Variants in SAP30 observed in about 807,000 individuals in gnomAD.
The protein encoded by SAP30 is Sin3A associated protein 30.
Under a neutral mutation model 19.6 loss-of-function variants are expected in SAP30, and 13 were observed. That is an observed-to-expected ratio of 0.66 (90% confidence interval 0.43 to 1.05). The LOEUF (loss-of-function observed/expected upper bound fraction) is 1.05, where lower values mean the gene tolerates loss of function less well. Among genes scored for constraint, SAP30 ranks in the 50% least tolerant of loss-of-function variants. The pLI, the probability that SAP30 is intolerant of heterozygous loss-of-function variation, is 0.00. For synonymous variants in SAP30, 108 were observed against 122.7 expected, an observed-to-expected ratio of 0.88 and a Z score of 0.79; for missense variants, 257 against 292.1, an observed-to-expected ratio of 0.88 and a Z score of 0.88.
chr4:173,377,191 T>C lies in SAP30; in HGVS notation c.541-14T>C. On this transcript the variant is annotated splice_polypyrimidine_tract_variant and intron_variant, in intron 3 of 3. Coordinates refer to ENST00000296504, the MANE Select transcript of SAP30 (RefSeq NM_003864.4). ...TCTAAAATTTAATTTCCTTAATTTT[T>C]CTTTTCTTTGTAGATAGTTGGTTGC... 1 of 1,550,004 alleles carries C rather than the reference T, an allele frequency of 6.5e-7. No individual in the cohort carries two copies. The highest frequency in any genetic ancestry group is 8.7e-7 in the Non-Finnish European group (1 of 1,152,658).
chr4:173,374,012 G>T lies in SAP30; in HGVS notation c.515G>T (p.Gly172Val). ...CACTTCAAGCTACCAACCAGACCAG[G>T]ACTTAATAAAGCACAACTTGTTGAG... ...KRHFKLPTRPGLNKAQLVEIV... is the reference protein window; with the variant it reads ...KRHFKLPTRPVLNKAQLVEIV... Residue 172 changes from glycine (G) to valine (V), a missense_variant, in exon 3 of 4, where the codon GGA becomes GTA. By Grantham distance (109) the Gly-to-Val change is moderately radical. Transcript: ENST00000296504. 1 of 1,596,678 alleles carries T rather than the reference G, an allele frequency of 6.3e-7. No individual in the cohort carries two copies. Among genetic ancestry groups the T allele is most frequent in the Non-Finnish European group, 8.6e-7 (1 of 1,169,362 alleles).
At chr4:173,374,933 C>T (rs1485634424) in intron 3 of SAP30, among the ~76,000 whole-genome samples, 3 of 151,632 alleles carry the variant, frequency 2.0e-5, no homozygotes, top group Admixed American at 1.3e-4. Context: ...TCTAGTCAGT[C>T]ACTGAGTTGT....
At chr4:173,374,722 T>G (rs1162452503) in intron 3 of SAP30, among the ~76,000 whole-genome samples, 5 of 152,184 alleles carry the variant, frequency 3.3e-5, no homozygotes, top group Non-Finnish European at 7.4e-5. Flanking sequence ...CTTATTAGAA[T>G]TTATATTTTA....
intron 3 of SAP30, among the ~76,000 whole-genome samples, chr4:173,376,599 A>C (rs1457512229): frequency 6.6e-6 from 1 of 151,874 alleles, no homozygotes; most frequent in Non-Finnish European, 1.5e-5. Flanking sequence ...TCTAATTATA[A>C]AATTTATTAT....
Position 173,377,340 on chromosome 4 carries a change from T to C in SAP30, c.*13T>C. The C allele has an allele frequency of 6.3e-7, 1 of 1,596,362 alleles. No homozygotes were observed. Among genetic ancestry groups the C allele is most frequent in the Non-Finnish European group, 8.5e-7 (1 of 1,174,160 alleles). ...TGGTGTTCACTAGGAGACGTGGAATTGAGACTAATAACTTGGATGTTAACA... is the reference window on the plus strand; with the variant it reads ...TGGTGTTCACTAGGAGACGTGGAATCGAGACTAATAACTTGGATGTTAACA... On this transcript the variant is annotated 3_prime_UTR_variant, in exon 4 of 4. Transcript: ENST00000296504.
chr4:173,371,256 C>T lies in SAP30; in HGVS notation c.74C>T (p.Ala25Val), dbSNP rs749799298. The T allele has an allele frequency of 1.2e-5, 16 of 1,297,854 alleles. No homozygotes were observed. Among genetic ancestry groups the T allele is most frequent in the South Asian group, 1.9e-5 (1 of 53,602 alleles). 80.4% of individuals were successfully genotyped at this position (1,297,854 alleles called of 1,614,324 possible). A position where few individuals can be genotyped will look rare whatever the true frequency, so the allele number is the denominator to read the frequency against. The change falls in exon 1 of 4, where the codon GCC becomes GTC. Residue 25 changes from alanine to valine, a missense_variant. Ala to Val is a moderately conservative substitution (Grantham distance 64, BLOSUM62 0). Coordinates refer to ENST00000296504, the MANE Select transcript of SAP30 (RefSeq NM_003864.4). The surrounding 1 kb of genome is among the most constrained non-coding windows in gnomAD (Gnocchi z 6.4). Reference sequence around the variant, plus strand: ...GCCGCAGTGGCCGCAGTGGTCGCTGCCGCGGCCGCCGCCGCCTCGGCGGGG... The same window carrying T: ...GCCGCAGTGGCCGCAGTGGTCGCTGTCGCGGCCGCCGCCGCCTCGGCGGGG... ...AAAAVAAVVA[A>V]AAAAASAGNG...
intron 2 of SAP30, 142 bp from the exon 3 acceptor site, chr4:173,373,797 G>T: frequency 1.5e-5 from 7 of 475,138 alleles, no homozygotes; most frequent in South Asian, 1.1e-4. Flanking sequence ...ATTTATGTTG[G>T]ATTATATAAA....
In SAP30 at chr4:173,371,162, C is replaced by T; in HGVS notation, c.-21C>T. 3 of 1,458,534 alleles carry T rather than the reference C, an allele frequency of 2.1e-6. No individual in the cohort carries two copies. The highest frequency in any genetic ancestry group is 2.7e-6 in the Non-Finnish European group (3 of 1,107,822). 90.3% of individuals were successfully genotyped at this position (1,458,534 alleles called of 1,614,324 possible). On this transcript the variant is annotated 5_prime_UTR_variant, in exon 1 of 4. Coordinates refer to ENST00000296504, the MANE Select transcript of SAP30 (RefSeq NM_003864.4). The surrounding 1 kb of genome is among the most constrained non-coding windows in gnomAD (Gnocchi z 6.4). ...GGAGAGAGGGGATTTCTGTCAGCGC[C>T]GGCCTCGGGAGCTCGGAGACATGAA...
Position 173,377,400 on chromosome 4 carries a change from T to TG in SAP30, c.*73_*74insG. On this transcript the variant is annotated 3_prime_UTR_variant, in exon 4 of 4. Transcript: ENST00000296504. ...GTTTTTTCACATGTAGAAATGTTCTTTGTGTATTTTTTCTACAGAGGATTT... is the reference window on the plus strand; with the variant it reads ...GTTTTTTCACATGTAGAAATGTTCTTGTGTGTATTTTTTCTACAGAGGATTT... 2 of 1,430,942 alleles carry TG rather than the reference T, an allele frequency of 1.4e-6. No individual in the cohort carries two copies. Among genetic ancestry groups the TG allele is most frequent in the South Asian group, 2.7e-5 (2 of 74,196 alleles). The allele number at this position is 1,430,942 out of a possible 1,614,324, so 88.6% of individuals were successfully genotyped here. A position where few individuals can be genotyped will look rare whatever the true frequency, so the allele number is the denominator to read the frequency against.
Position 173,371,111 on chromosome 4 carries a change from C to T in SAP30, c.-72C>T. The T allele has an allele frequency of 7.3e-7, 1 of 1,375,530 alleles. No individual in the cohort carries two copies. Among genetic ancestry groups the T allele is most frequent in the Non-Finnish European group, 9.4e-7 (1 of 1,061,120 alleles). 85.2% of individuals were successfully genotyped at this position (1,375,530 alleles called of 1,614,324 possible). A position where few individuals can be genotyped will look rare whatever the true frequency, so the allele number is the denominator to read the frequency against. ...GGTGTGCAGAGTGAATTGCCGCTGC[C>T]GGAGCGGAGAGAGGCGGAGCGGCCA... On this transcript the variant is annotated 5_prime_UTR_variant, in exon 1 of 4. Transcript: ENST00000296504. This position sits in a 1 kb window ranked among gnomAD's most constrained non-coding sequence, Gnocchi z 6.4.
At chr4:173,372,951 T>G (rs893154361) in intron 1 of SAP30, among the ~76,000 whole-genome samples, 2 of 152,078 alleles carry the variant, frequency 1.3e-5, no homozygotes, top group Non-Finnish European at 2.9e-5. Context: ...CCCGCCTAAT[T>G]TTTTGTATTT....
In SAP30 at chr4:173,373,977, A is replaced by G; in HGVS notation, c.480A>G (p.Arg160=). Residue 160 remains arginine (R), a synonymous_variant, in exon 3 of 4, where the codon AGA becomes AGG. Coordinates refer to ENST00000296504, the MANE Select transcript of SAP30 (RefSeq NM_003864.4). ...LYQLQVNTLR[R]YKRHFKLPTR... is the part of the protein sequence containing the mutation. Reference sequence around the variant, plus strand: ...AATTACAAGTAAATACACTTAGGAGATACAAAAGACACTTCAAGCTACCAA... The same window carrying G: ...AATTACAAGTAAATACACTTAGGAGGTACAAAAGACACTTCAAGCTACCAA... 1 of 1,602,342 alleles carries G rather than the reference A, an allele frequency of 6.2e-7. No individual in the cohort carries two copies. Among genetic ancestry groups the G allele is most frequent in the South Asian group, 1.1e-5 (1 of 89,856 alleles).
chr4:173,373,161 C>A (rs535700236), intron 1 of SAP30, among the ~76,000 whole-genome samples: 1 of 152,306 alleles, frequency 6.6e-6, no homozygotes, highest in South Asian at 2.1e-4. Context: ...TACCCCCTTC[C>A]CCAGATGGAA....
intron 3 of SAP30, among the ~76,000 whole-genome samples, chr4:173,376,721 C>T (rs1334489754): frequency 1.3e-5 from 2 of 152,078 alleles, no homozygotes; most frequent in African/African-American, 2.4e-5. Context: ...TGGGTTCAAG[C>T]AATCCTCCTG....
Position 173,371,142 on chromosome 4 carries a change from GA to G in SAP30, c.-40del. ...GGAGAGAGGCGGAGCGGCCAGGAGA[GA>G]GGGGATTTCTGTCAGCGCCGGCCTC... On this transcript the variant is annotated 5_prime_UTR_variant, in exon 1 of 4. Transcript: ENST00000296504. This position sits in a 1 kb window ranked among gnomAD's most constrained non-coding sequence, Gnocchi z 6.4. The G allele has an allele frequency of 6.9e-7, 1 of 1,447,362 alleles. No individual in the cohort carries two copies. The allele number at this position is 1,447,362 out of a possible 1,614,324, so 89.7% of individuals were successfully genotyped here.
At chr4:173,373,092 C>T (rs533694997) in intron 1 of SAP30, among the ~76,000 whole-genome samples, 25 of 152,244 alleles carry the variant, frequency 1.6e-4, no homozygotes, top group Non-Finnish European at 3.1e-4. Flanking sequence ...CCCCTCACTG[C>T]AATTTGATGA....
Position 173,371,177 on chromosome 4 carries a change from G to C in SAP30, c.-6G>C. On this transcript the variant is annotated 5_prime_UTR_variant, in exon 1 of 4. Transcript: ENST00000296504. This position sits in a 1 kb window ranked among gnomAD's most constrained non-coding sequence, Gnocchi z 6.4. ...CTGTCAGCGCCGGCCTCGGGAGCTC[G>C]GAGACATGAACGGCTTCACGCCTGA... 1.3e-6 allele frequency: 2 copies of C among 1,498,352 alleles called. No homozygotes were observed. The highest frequency in any genetic ancestry group is 2.9e-5 in the East Asian group (1 of 34,924). 92.8% of individuals were successfully genotyped at this position (1,498,352 alleles called of 1,614,324 possible).
intron 3 of SAP30, among the ~76,000 whole-genome samples, chr4:173,374,284 A>G (rs1739000129): frequency 6.6e-6 from 1 of 151,964 alleles, no homozygotes; most frequent in African/African-American, 2.4e-5. Context: ...AAATGTGTTG[A>G]TTGTTTTTTG....
chr4:173,373,535 G>T lies in SAP30; in HGVS notation c.441+20G>T. ...CCAGAGGTAGATGGAAGTTTTTTAT[G>T]CTTAATGTAAATCCTAAGTAGTGCA... On this transcript the variant is annotated intron_variant, in intron 2 of 3. Coordinates refer to ENST00000296504, the MANE Select transcript of SAP30 (RefSeq NM_003864.4). 6.3e-7 allele frequency: 1 copy of T among 1,588,144 alleles called. No homozygotes were observed. The highest frequency in any genetic ancestry group is 8.6e-7 in the Non-Finnish European group (1 of 1,168,920).
Sources: gnomAD v4.1 joint callset for allele counts (sites outside exome capture counted in the v4.1 genomes callset) on GRCh38, gnomAD v4.1.1 for gene constraint, Gnocchi (gnomAD v3.1) non-coding constraint, MANE v1.5 for transcripts, NCBI Gene and HGNC (gene_info 2026-07-23, HGNC 2026-07-21) for gene names.